The following SDK1 variants were observed in gnomAD, a reference collection of about 807,000 sequenced individuals.
The protein encoded by SDK1 is protein sidekick-1.
Under a neutral mutation model 245.5 loss-of-function variants are expected in SDK1, and 157 were observed. That is an observed-to-expected ratio of 0.64 (90% CI 0.56 to 0.73). The LOEUF is 0.73. SDK1 is among the 30% of genes least tolerant of loss of function. The pLI, the probability that SDK1 is intolerant of heterozygous loss-of-function variation, is 0.00. For missense variants in SDK1, 3,583 were observed against 3,002.3 expected (o/e 1.19, Z -4.52); for synonymous variants, 1,647 against 1,278.5 (o/e 1.29, Z -6.15).
In SDK1 at chr7:4,267,875, G is replaced by C; in HGVS notation, c.*2491G>C. ...TAGGACAGCGCCCATGCCTCGGAGGGACTCTGTCCCATGAGAACCACCTGT... is the reference window on the plus strand; with the variant it reads ...TAGGACAGCGCCCATGCCTCGGAGGCACTCTGTCCCATGAGAACCACCTGT... On this transcript the variant is annotated 3_prime_UTR_variant, in exon 45 of 45. Transcript: ENST00000404826. 2 of 985,566 alleles carry C rather than the reference G, an allele frequency of 2.0e-6. No individual in the cohort carries two copies. Among genetic ancestry groups the C allele is most frequent in the Non-Finnish European group, 2.4e-6 (2 of 830,038 alleles). 61.1% of individuals were successfully genotyped at this position (985,566 alleles called of 1,614,324 possible). A position where few individuals can be genotyped will look rare whatever the true frequency, so the allele number is the denominator to read the frequency against.
chr7:3,775,990 C>T (rs1780547247), intron 4 of SDK1, among the ~76,000 whole-genome samples: 1 of 152,250 alleles, frequency 6.6e-6, no homozygotes, highest in Non-Finnish European at 1.5e-5. Flanking sequence ...CCACCAGTCC[C>T]TAACTGTGAT....
intron 1 of SDK1, among the ~76,000 whole-genome samples, chr7:3,483,892 A>T (rs1781595219): frequency 1.3e-5 from 2 of 152,312 alleles, no homozygotes; most frequent in African/African-American, 2.4e-5. Context: ...CATGGCCATA[A>T]TACTTGTCTA....
At chr7:3,808,914 G>A (rs1037775294) in intron 4 of SDK1, among the ~76,000 whole-genome samples, 2 of 152,192 alleles carry the variant, frequency 1.3e-5, no homozygotes, top group African/African-American at 4.8e-5. Flanking sequence ...TGTTGATGGT[G>A]TTTGTGCGTG....
intron 1 of SDK1, among the ~76,000 whole-genome samples, chr7:3,593,407 C>T (rs772099564): frequency 3.3e-5 from 5 of 152,150 alleles, no homozygotes; most frequent in Non-Finnish European, 7.3e-5. Flanking sequence ...TCAGCTGCCC[C>T]GTTCTCCAAA....
At chr7:3,737,780 G>C (rs1214998218) in intron 4 of SDK1, among the ~76,000 whole-genome samples, 1 of 152,214 alleles carries the variant, frequency 6.6e-6, no homozygotes, top group African/African-American at 2.4e-5. Context: ...CAATGCTAGG[G>C]AAGCTGGATG....
chr7:3,322,826 A>G (rs1172449105), intron 1 of SDK1, among the ~76,000 whole-genome samples: 1 of 151,858 alleles, frequency 6.6e-6, no homozygotes, highest in South Asian at 2.1e-4. Context: ...CCCCACCCAT[A>G]AGACCTTGTC....
chr7:4,014,637 C>T (rs1176694919), intron 16 of SDK1, among the ~76,000 whole-genome samples: 3 of 152,096 alleles, frequency 2.0e-5, no homozygotes, highest in Non-Finnish European at 2.9e-5. Context: ...AGTTAGGACG[C>T]GTGTGCAGTA....
chr7:3,374,443 A>C (rs560854658), intron 1 of SDK1, among the ~76,000 whole-genome samples: 1 of 152,210 alleles, frequency 6.6e-6, no homozygotes, highest in South Asian at 2.1e-4. Flanking sequence ...GGGTTGCCTT[A>C]CTGTAGTGTC....
chr7:4,055,544 G>A, intron 19 of SDK1, among the ~76,000 whole-genome samples: 1 of 127,820 alleles, frequency 7.8e-6, no homozygotes, highest in East Asian at 2.0e-4. Context: ...TGTTGTTGTT[G>A]TTGTTGTTGT....
chr7:4,255,806 C>G (rs959510293), intron 44 of SDK1, among the ~76,000 whole-genome samples: 6 of 151,988 alleles, frequency 3.9e-5, no homozygotes, highest in African/African-American at 1.5e-4. Context: ...GAGAGCAGGT[C>G]ATGGCTCAAG....
chr7:3,591,922 C>T (rs944121758), intron 1 of SDK1, among the ~76,000 whole-genome samples: 3 of 152,100 alleles, frequency 2.0e-5, no homozygotes, highest in Middle Eastern at 3.2e-3. Context: ...GGACTGGGGT[C>T]AATAAATTTC....
rs562442570 is a variant in SDK1, at chr7:3,492,861, A to G, written c.299-126219A>G. On this transcript the variant is annotated intron_variant, in intron 1 of 44. Coordinates refer to ENST00000404826, the MANE Select transcript of SDK1 (RefSeq NM_152744.4). ...TAGTTGACTAATGACTAAAATTTTGATAAAGATAAGAAAACACTAGGCATT... is the reference window on the plus strand; with the variant it reads ...TAGTTGACTAATGACTAAAATTTTGGTAAAGATAAGAAAACACTAGGCATT... Among the ~76,000 whole-genome samples the G allele has an allele frequency of 1.7e-3, 261 of 152,378 alleles. 1 individual carries two copies. Among genetic ancestry groups the G allele is most frequent in the Non-Finnish European group, 3.0e-3 (207 of 68,032 alleles).
chr7:4,267,679 A>C lies in SDK1; in HGVS notation c.*2295A>C. The C allele has an allele frequency of 2.0e-6, 2 of 985,438 alleles. No homozygotes were observed. The highest frequency in any genetic ancestry group is 2.4e-6 in the Non-Finnish European group (2 of 829,930). 61.0% of individuals were successfully genotyped at this position (985,438 alleles called of 1,614,324 possible). On this transcript the variant is annotated 3_prime_UTR_variant, in exon 45 of 45. Coordinates refer to ENST00000404826, the MANE Select transcript of SDK1 (RefSeq NM_152744.4). ...AGTGTTGAGACGTCTTAGGTTGAGG[A>C]TGAGCAGATTCGAGATATGTTTGTT...
intron 20 of SDK1, among the ~76,000 whole-genome samples, chr7:4,069,999 C>T (rs1416075378): frequency 6.6e-6 from 1 of 152,142 alleles, no homozygotes; most frequent in African/African-American, 2.4e-5. Context: ...GCTCACTTTC[C>T]CCATCCACAG....
intron 1 of SDK1, among the ~76,000 whole-genome samples, chr7:3,534,045 T>G (rs1778793796): frequency 1.3e-5 from 2 of 152,246 alleles, no homozygotes; most frequent in Admixed American, 1.3e-4. Flanking sequence ...TTTTACCTTT[T>G]GATTAGCAAA....
rs1395505737 is a variant in SDK1, at chr7:4,114,108, C to T, written c.3657C>T (p.Asp1219=). The T allele has an allele frequency of 1.9e-6, 3 of 1,614,218 alleles. No homozygotes were observed. The highest frequency in any genetic ancestry group is 1.7e-5 in the Admixed American group (1 of 60,026). The change falls in exon 25 of 45, where the codon GAC becomes GAT. Residue 1219 remains aspartate, a synonymous_variant. Transcript: ENST00000404826. The part of the protein sequence containing the change: ...VGYRIKYWRS[D]LQSSAVAQVV... ...ACAGGATTAAGTACTGGCGCTCAGA[C>T]CTCCAGTCCTCAGCAGTGGCCCAAG...
At chr7:3,786,695 C>T (rs749723162) in intron 4 of SDK1, among the ~76,000 whole-genome samples, 1 of 152,142 alleles carries the variant, frequency 6.6e-6, no homozygotes, top group Non-Finnish European at 1.5e-5. Context: ...TGGTCTTTTT[C>T]TCGCTGATGA....
intron 1 of SDK1, among the ~76,000 whole-genome samples, chr7:3,396,683 C>T (rs1455952236): frequency 6.6e-6 from 1 of 151,542 alleles, no homozygotes; most frequent in Non-Finnish European, 1.5e-5. Flanking sequence ...CCTCTGATTA[C>T]TGTTTTCATG....
In SDK1 at chr7:4,268,685, A is replaced by G. The variant is rs765407709; in HGVS notation, c.*3301A>G. On this transcript the variant is annotated 3_prime_UTR_variant, in exon 45 of 45. Coordinates refer to ENST00000404826, the MANE Select transcript of SDK1 (RefSeq NM_152744.4). ...CGCATTCTTGGCACACAGTGTAGCT[A>G]TCCTCCTGACGAGCAACCCGTCTGC... The G allele has an allele frequency of 1.3e-5, 18 of 1,367,754 alleles. No homozygotes were observed. The highest frequency in any genetic ancestry group is 4.5e-5 in the East Asian group (1 of 21,990). The allele number at this position is 1,367,754 out of a possible 1,614,324, so 84.7% of individuals were successfully genotyped here. A position where few individuals can be genotyped will look rare whatever the true frequency, so the allele number is the denominator to read the frequency against.
Sources: allele counts gnomAD v4.1 joint callset (sites outside exome capture counted in the v4.1 genomes callset), GRCh38; gene constraint gnomAD v4.1.1; transcripts MANE v1.5; gene names NCBI Gene and HGNC (gene_info 2026-07-23, HGNC 2026-07-21).